The following TMC7 variants were observed in gnomAD, a reference collection of about 807,000 sequenced individuals.
TMC7 encodes the protein transmembrane channel-like protein 7.
In TMC7, 54 loss-of-function variants were observed where a neutral mutation model predicts 82.9. The observed-to-expected ratio is 0.65, with a 90% confidence interval of 0.52 to 0.82. TMC7 has a LOEUF of 0.82. TMC7 is among the 40% of genes least tolerant of loss of function. The pLI is 0.00. For synonymous variants in TMC7, 350 were observed against 337.9 expected (o/e 1.04, Z -0.39); for missense variants, 820 against 901.2 (o/e 0.91, Z 1.15).
chr16:19,011,633 C>T (rs1959354320), intron 2 of TMC7, among the ~76,000 whole-genome samples: 1 of 152,060 alleles, frequency 6.6e-6, no homozygotes, highest in African/African-American at 2.4e-5. Context: ...AGGTGTATCA[C>T]TCAAGCCCAG....
At chr16:19,043,180 G>T (rs1961101320) in intron 9 of TMC7, among the ~76,000 whole-genome samples, 1 of 151,218 alleles carries the variant, frequency 6.6e-6, no homozygotes, top group Non-Finnish European at 1.5e-5. Context: ...CCTTATGTTT[G>T]TGCCAACACT....
At chr16:19,039,520 A>T (rs1960913082) in intron 8 of TMC7, among the ~76,000 whole-genome samples, 1 of 152,144 alleles carries the variant, frequency 6.6e-6, no homozygotes, top group Admixed American at 6.6e-5. Context: ...GGTTACACTA[A>T]AAACTTCCAC....
rs894143817 is a variant in TMC7 at position 19,047,146 on chromosome 16, G to A, written c.1637G>A (p.Gly546Glu). 7 of 1,613,870 alleles carry A rather than the reference G, an allele frequency of 4.3e-6. No homozygotes were observed. The Admixed American group carries it at 6.7e-5, about 15-fold the overall frequency. Reference sequence around the variant, plus strand: ...TTTGCCATTCCTGATAACGTCCTGGGGATAGTTTACGGGCAAACCATCTGC... The same window carrying A: ...TTTGCCATTCCTGATAACGTCCTGGAGATAGTTTACGGGCAAACCATCTGC... The part of the protein sequence containing the change: ...QEFAIPDNVL[G>E]IVYGQTICWI... The change falls in exon 12 of 16, where the codon GGG becomes GAG. Residue 546 changes from glycine to glutamate, a missense_variant. Physicochemically the swap from Gly to Glu is moderately conservative, Grantham distance 98. Around this residue, in one of 2 missense-constraint regions of TMC7, gnomAD observed 170 missense variants for 231.3 expected, o/e 0.74. Transcript: ENST00000304381.
intron 1 of TMC7, among the ~76,000 whole-genome samples, chr16:18,985,676 T>C (rs1003732131): frequency 4.6e-5 from 7 of 151,744 alleles, no homozygotes; most frequent in African/African-American, 7.3e-5. Context: ...TAAAAAGTCT[T>C]CTATGCCCCT....
In TMC7 at chr16:19,009,170, A is replaced by G. The variant is rs769483327; in HGVS notation, c.68-2A>G. 6.2e-7 allele frequency: 1 copy of G among 1,612,330 alleles called. No individual in the cohort carries two copies. Among genetic ancestry groups the G allele is most frequent in the Non-Finnish European group, 8.5e-7 (1 of 1,178,952 alleles). On this transcript the variant is annotated splice_acceptor_variant, in intron 1 of 15. Coordinates refer to ENST00000304381, the MANE Select transcript of TMC7 (RefSeq NM_024847.4). LOFTEE classifies it high-confidence loss of function. ...ATGATGACTTTCTTTTCTTTTACAT[A>G]GAGAACCTCTCTCTAGACTCCAGTT... is the stretch of plus-strand genomic sequence containing the variant.
intron 12 of TMC7, among the ~76,000 whole-genome samples, chr16:19,047,504 C>T (rs1401067794): frequency 7.1e-6 from 1 of 140,670 alleles, no homozygotes; most frequent in African/African-American, 2.7e-5. Flanking sequence ...TTCAAGTGAT[C>T]TCCTGCCCCA....
At chr16:19,041,831 A>G (rs916296460) in intron 9 of TMC7, among the ~76,000 whole-genome samples, 1 of 152,182 alleles carries the variant, frequency 6.6e-6, no homozygotes, top group Non-Finnish European at 1.5e-5. Context: ...TTTGGTAGTC[A>G]TGTGTCCTAA....
intron 12 of TMC7, among the ~76,000 whole-genome samples, chr16:19,051,174 A>G (rs1412008309): frequency 6.7e-6 from 1 of 149,768 alleles, no homozygotes; most frequent in African/African-American, 2.5e-5. Context: ...ATCAGCATGA[A>G]TTCTCCAAAG....
Position 18,984,062 on chromosome 16 carries a change from C to G in TMC7, c.-2C>G, listed in dbSNP as rs1306363311. ...AGCCTCTGAGGAGCGCGGGGCGCGG[C>G]CATGAGCGAGTCCAGCGGCAGTGCG... On this transcript the variant is annotated 5_prime_UTR_variant, in exon 1 of 16. Coordinates refer to ENST00000304381, the MANE Select transcript of TMC7 (RefSeq NM_024847.4). 4.0e-6 allele frequency: 6 copies of G among 1,491,870 alleles called. No individual in the cohort carries two copies. Among genetic ancestry groups the G allele is most frequent in the Non-Finnish European group, 5.3e-6 (6 of 1,128,770 alleles). The allele number at this position is 1,491,870 out of a possible 1,614,324, so 92.4% of individuals were successfully genotyped here.
intron 1 of TMC7, among the ~76,000 whole-genome samples, chr16:18,992,732 T>G (rs2038974304): frequency 1.3e-5 from 2 of 152,236 alleles, no homozygotes; most frequent in Admixed American, 6.5e-5. Context: ...TGGTTTTAGG[T>G]CTAACAGTTA....
chr16:18,984,987 C>A (rs552561683), intron 1 of TMC7, among the ~76,000 whole-genome samples: 1 of 152,300 alleles, frequency 6.6e-6, no homozygotes, highest in Middle Eastern at 3.4e-3. Context: ...TAGGGCCGGG[C>A]GTGGTGGCTC....
At chr16:19,008,396 A>C (rs968990723) in intron 1 of TMC7, among the ~76,000 whole-genome samples, 4 of 152,186 alleles carry the variant, frequency 2.6e-5, no homozygotes, top group Admixed American at 2.0e-4. Flanking sequence ...ATGCAAGCAA[A>C]TTAGGAATGT....
intron 6 of TMC7, among the ~76,000 whole-genome samples, chr16:19,032,347 C>G (rs770254675): frequency 2.3e-4 from 35 of 152,104 alleles, no homozygotes; most frequent in South Asian, 6.2e-4. Context: ...GTCCATCCCC[C>G]ACCCAAGTGT....
chr16:19,049,672 G>T (rs1270535952), intron 12 of TMC7: 1 of 985,142 alleles, frequency 1.0e-6, no homozygotes, highest in African/African-American at 1.7e-5. Flanking sequence ...TGGGGTGATG[G>T]GTTGGGTCAT....
intron 1 of TMC7, among the ~76,000 whole-genome samples, chr16:18,999,346 G>C (rs551077082): frequency 6.6e-6 from 1 of 152,338 alleles, no homozygotes; most frequent in African/African-American, 2.4e-5. Context: ...AGTGGCCACT[G>C]TATTGGACAG....
chr16:19,022,186 C>T (rs1960010874), intron 4 of TMC7, among the ~76,000 whole-genome samples: 1 of 152,100 alleles, frequency 6.6e-6, no homozygotes, highest in Non-Finnish European at 1.5e-5. Context: ...AAAGACATAT[C>T]CCCAGATGTG....
At chr16:19,032,336 C>T (rs1481675979) in intron 6 of TMC7, among the ~76,000 whole-genome samples, 2 of 152,086 alleles carry the variant, frequency 1.3e-5, no homozygotes, top group Admixed American at 1.3e-4. Flanking sequence ...AACTAGTGAG[C>T]GTCCATCCCC....
At chr16:19,052,217 G>A (rs953423735) in intron 13 of TMC7, among the ~76,000 whole-genome samples, 7 of 152,046 alleles carry the variant, frequency 4.6e-5, no homozygotes, top group South Asian at 2.1e-4. Flanking sequence ...CAGGCGTGAC[G>A]CACTGTGCCT....
At chr16:18,987,140 A>G (rs919177480) in intron 1 of TMC7, among the ~76,000 whole-genome samples, 9 of 151,692 alleles carry the variant, frequency 5.9e-5, no homozygotes, top group African/African-American at 1.9e-4. Context: ...TTGGGTCTCT[A>G]CTCAAATGTC....
Sources: allele counts gnomAD v4.1 joint callset (sites outside exome capture counted in the v4.1 genomes callset), GRCh38; gene constraint gnomAD v4.1.1; regional missense constraint gnomAD v4.1.1; transcripts MANE v1.5; gene names NCBI Gene and HGNC (gene_info 2026-07-23, HGNC 2026-07-21).